The following NBAS variants were observed in gnomAD, a reference collection of about 807,000 sequenced individuals.
The protein encoded by NBAS is NAG/BC035112 fusion.
A neutral mutation model predicts 302.5 loss-of-function variants in NBAS; 219 were observed. The observed-to-expected ratio is 0.72, with a 90% CI of 0.65 to 0.81. NBAS has a LOEUF of 0.81. Ranked by LOEUF, NBAS falls within the 30% of genes least tolerant of loss-of-function variation. The pLI is 0.00. For missense variants in NBAS, 2,932 were observed against 2,841.6 expected, an observed-to-expected ratio of 1.03 and a Z score of -0.72; for synonymous variants, 1,118 against 1,021.6, an observed-to-expected ratio of 1.09 and a Z score of -1.80.
chr2:15,493,338 GA>G (rs1418107678), intron 11 of NBAS, among the ~76,000 whole-genome samples: 3 of 152,126 alleles, frequency 2.0e-5, no homozygotes, highest in African/African-American at 7.2e-5. Flanking sequence ...TTGTGCCTTG[GA>G]AATGGGAGGA....
chr2:15,386,873 T>G (rs1015304889), intron 28 of NBAS, among the ~76,000 whole-genome samples: 1 of 152,132 alleles, frequency 6.6e-6, no homozygotes, highest in Non-Finnish European at 1.5e-5. Context: ...AATCTGTTAG[T>G]TCTCTCATGG....
At chr2:15,360,625 G>C (rs1007545451) in intron 32 of NBAS, among the ~76,000 whole-genome samples, 14 of 146,162 alleles carry the variant, frequency 9.6e-5, no homozygotes, top group African/African-American at 3.5e-4. Context: ...GTTGGGATTA[G>C]AAGTCTGAGC....
At chr2:14,889,766 C>T in the NBAS span, among the ~76,000 whole-genome samples, 3 of 152,176 alleles carry the variant, frequency 2.0e-5, no homozygotes, top group Admixed American at 2.0e-4. Context: ...GAGGTTCCTA[C>T]TCTATAAAAT....
the NBAS span, among the ~76,000 whole-genome samples, chr2:14,864,697 GC>G: frequency 6.6e-6 from 1 of 152,138 alleles, no homozygotes; most frequent in African/African-American, 2.4e-5. Flanking sequence ...TATTCTGGCT[GC>G]CCAAGCTGTT....
chr2:15,292,156 G>A (rs942637151), intron 41 of NBAS, among the ~76,000 whole-genome samples: 2 of 152,036 alleles, frequency 1.3e-5, no homozygotes, highest in Non-Finnish European at 2.9e-5. Context: ...TGTATTTTTA[G>A]TAGAGATGGG....
chr2:15,219,967 A>C (rs1666862430), intron 47 of NBAS, among the ~76,000 whole-genome samples: 1 of 138,832 alleles, frequency 7.2e-6, no homozygotes, highest in African/African-American at 2.7e-5. Flanking sequence ...CTCACTTCCC[A>C]GTAGGGGCGG....
At chr2:14,915,808 T>A in the NBAS span, among the ~76,000 whole-genome samples, 1 of 152,052 alleles carries the variant, frequency 6.6e-6, no homozygotes, top group Non-Finnish European at 1.5e-5. Context: ...GATCTGCCCA[T>A]CTCAGCCTCC....
chr2:15,097,710 C>T, the NBAS span, among the ~76,000 whole-genome samples: 1 of 151,052 alleles, frequency 6.6e-6, no homozygotes, highest in African/African-American at 2.4e-5. Flanking sequence ...AGGCTCATGG[C>T]CTAATCATCC....
At chr2:15,517,118 T>C (rs907977407) in intron 9 of NBAS, among the ~76,000 whole-genome samples, 10 of 152,138 alleles carry the variant, frequency 6.6e-5, no homozygotes, top group Non-Finnish European at 1.5e-4. Context: ...AAAAAAAGTT[T>C]AGTGTGAAAC....
At chr2:15,018,066 C>T in the NBAS span, among the ~76,000 whole-genome samples, 41 of 151,650 alleles carry the variant, frequency 2.7e-4, no homozygotes, top group Middle Eastern at 3.2e-3. Context: ...TGTTTTCACT[C>T]GTATGTAGAA....
chr2:15,198,643 T>C (rs1319773360), intron 48 of NBAS, among the ~76,000 whole-genome samples: 1 of 152,178 alleles, frequency 6.6e-6, no homozygotes, highest in Admixed American at 6.5e-5. Context: ...AAAATACTGA[T>C]GCCAGTTCCT....
the NBAS span, among the ~76,000 whole-genome samples, chr2:15,045,686 T>C: frequency 6.6e-6 from 1 of 152,190 alleles, no homozygotes; most frequent in Non-Finnish European, 1.5e-5. Context: ...GAAGTGCAGA[T>C]ATCTCTATGA....
At chr2:15,163,575 G>A (rs1663945497), downstream of NBAS, among the ~76,000 whole-genome samples, 1 of 152,180 alleles carries the variant, frequency 6.6e-6, no homozygotes, top group Non-Finnish European at 1.5e-5. Flanking sequence ...CACTGGGCCA[G>A]ATGGACTTCA....
chr2:14,938,388 G>A, the NBAS span, among the ~76,000 whole-genome samples: 3 of 152,162 alleles, frequency 2.0e-5, no homozygotes, highest in Non-Finnish European at 4.4e-5. Context: ...GGATGATTAT[G>A]TCCAGGAGAA....
At chr2:15,248,269 C>T (rs1227983051) in intron 44 of NBAS, among the ~76,000 whole-genome samples, 1 of 152,140 alleles carries the variant, frequency 6.6e-6, no homozygotes. Flanking sequence ...AACAAAGACA[C>T]AATGTACCAG....
At position 15,296,840 on chromosome 2, in the gene NBAS, A is replaced by AAAAT. The variant is rs200197862; in HGVS notation, c.4798-4078_4798-4075dup. 3.6e-3 allele frequency among the ~76,000 whole-genome samples: 542 copies of AAAAT among 152,266 alleles called. 1 individual carries two copies. Among genetic ancestry groups the AAAAT allele is most frequent in the African/African-American group, 0.01 (418 of 41,538 alleles). On this transcript the variant is annotated intron_variant, in intron 40 of 51. Transcript: ENST00000281513. ...GGGACAGAATGAGATCCTGATCTCA[A>AAAAT]AAATAAATAAATAAATAAACAAACA...
intron 6 of NBAS, among the ~76,000 whole-genome samples, chr2:15,548,469 G>A (rs993188004): frequency 5.3e-5 from 8 of 151,808 alleles, no homozygotes; most frequent in African/African-American, 9.7e-5. Flanking sequence ...TAGTGAAACC[G>A]CATCTCTATC....
chr2:15,073,609 A>AT, the NBAS span, among the ~76,000 whole-genome samples: 50 of 151,834 alleles, frequency 3.3e-4, 1 homozygote, highest in East Asian at 9.1e-3. Flanking sequence ...ACTTCCATGC[A>AT]TTTTTTTTCT....
At chr2:15,430,542 T>C (rs1677711767) in intron 21 of NBAS, among the ~76,000 whole-genome samples, 2 of 152,164 alleles carry the variant, frequency 1.3e-5, no homozygotes, top group Non-Finnish European at 2.9e-5. Context: ...ATCAATCTAA[T>C]GTAGTAGATA....
Sources: gnomAD v4.1 joint callset for allele counts (sites outside exome capture counted in the v4.1 genomes callset) on GRCh38, gnomAD v4.1.1 for gene constraint, MANE v1.5 for transcripts, NCBI Gene and HGNC (gene_info 2026-07-23, HGNC 2026-07-21) for gene names.